Variants in SPATA13 observed in about 807,000 individuals in gnomAD.
The protein encoded by SPATA13 is spermatogenesis associated 13.
A neutral mutation model predicts 104.0 loss-of-function variants in SPATA13; 50 were observed. The observed-to-expected ratio is 0.48, with a 90% CI of 0.38 to 0.61. The LOEUF is 0.61. SPATA13 is among the 20% of genes least tolerant of loss of function. The pLI, the probability that SPATA13 is intolerant of heterozygous loss-of-function variation, is 0.00. For missense variants in SPATA13, 1,524 were observed against 1,690.6 expected (o/e 0.90, Z 1.73); for synonymous variants, 606 against 667.5 (o/e 0.91, Z 1.42).
At chr13:24,175,180 T>A (rs751063440) in intron 1 of SPATA13, among the ~76,000 whole-genome samples, 11 of 152,226 alleles carry the variant, frequency 7.2e-5, no homozygotes, top group Non-Finnish European at 1.3e-4. Flanking sequence ...AGGGCATTAA[T>A]CCTGCAGTGG....
chr13:24,043,049 A>T (rs747570144), intron 3 of SPATA13, among the ~76,000 whole-genome samples: 12 of 152,240 alleles, frequency 7.9e-5, no homozygotes, highest in Non-Finnish European at 1.5e-4. Flanking sequence ...TGAGTGGAAC[A>T]CACACAAACT....
At chr13:24,133,343 C>G (rs551699962) in intron 3 of SPATA13, among the ~76,000 whole-genome samples, 14 of 152,144 alleles carry the variant, frequency 9.2e-5, no homozygotes, top group Non-Finnish European at 2.1e-4. Flanking sequence ...AATAGTGGCT[C>G]CTGGGACATT....
chr13:24,167,550 T>C (rs571844161), intron 1 of SPATA13, among the ~76,000 whole-genome samples: 4 of 152,314 alleles, frequency 2.6e-5, no homozygotes, highest in African/African-American at 9.6e-5. Context: ...ACAGCCAGGT[T>C]CTAAAATCGT....
chr13:24,141,878 T>C (rs1881774702), intron 3 of SPATA13, among the ~76,000 whole-genome samples: 1 of 152,228 alleles, frequency 6.6e-6, no homozygotes, highest in Non-Finnish European at 1.5e-5. Flanking sequence ...TAGGCCAGTC[T>C]GGTATTCTCC....
intron 3 of SPATA13, among the ~76,000 whole-genome samples, chr13:24,075,766 C>G (rs1879304582): frequency 6.6e-6 from 1 of 152,102 alleles, no homozygotes; most frequent in Non-Finnish European, 1.5e-5. Flanking sequence ...AAAAAGTGGA[C>G]GGGAAGCACT....
chr13:24,094,624 T>C (rs1464601070), intron 3 of SPATA13, among the ~76,000 whole-genome samples: 1 of 152,206 alleles, frequency 6.6e-6, no homozygotes, highest in African/African-American at 2.4e-5. Context: ...CTGTGTGTGG[T>C]GGTGCACACC....
At chr13:24,194,452 A>G (rs1055774356) in intron 1 of SPATA13, among the ~76,000 whole-genome samples, 3 of 152,182 alleles carry the variant, frequency 2.0e-5, no homozygotes, top group African/African-American at 7.2e-5. Flanking sequence ...AATCACTGAC[A>G]GAGCGAACCA....
chr13:24,169,465 A>C (rs998174863), intron 1 of SPATA13, among the ~76,000 whole-genome samples: 2 of 151,982 alleles, frequency 1.3e-5, no homozygotes, highest in African/African-American at 4.8e-5. Context: ...TCTGGGTTCT[A>C]TTTGTTGTAT....
intron 1 of SPATA13, among the ~76,000 whole-genome samples, chr13:24,191,890 C>T (rs986305538): frequency 9.9e-5 from 15 of 152,126 alleles, no homozygotes; most frequent in Non-Finnish European, 1.9e-4. Flanking sequence ...CTCCTTAGTT[C>T]AGCTAAAACC....
At chr13:24,163,404 TA>T (rs774669999) in intron 1 of SPATA13, among the ~76,000 whole-genome samples, 10 of 152,032 alleles carry the variant, frequency 6.6e-5, no homozygotes, top group Admixed American at 2.6e-4. Flanking sequence ...ACTCTGTCTC[TA>T]AAAAAATTAA....
At chr13:24,122,083 T>G in intron 3 of SPATA13, 1 of 1,602,350 alleles carries the variant, frequency 6.2e-7, no homozygotes, top group Admixed American at 1.7e-5. Context: ...TCCCTGGTGC[T>G]GGGCCTCCAA....
At chr13:24,102,499 G>T (rs1880290442) in intron 3 of SPATA13, among the ~76,000 whole-genome samples, 1 of 143,230 alleles carries the variant, frequency 7.0e-6, no homozygotes, top group African/African-American at 2.6e-5. Flanking sequence ...TTTTGAGATG[G>T]AGTCTCACTC....
intron 4 of SPATA13, among the ~76,000 whole-genome samples, chr13:24,256,626 G>A (rs1165776405): frequency 6.6e-6 from 1 of 151,530 alleles, no homozygotes; most frequent in Non-Finnish European, 1.5e-5. Flanking sequence ...CCTCCCTTCC[G>A]AGAACTTGGC....
chr13:24,187,525 A>G (rs1203267162), intron 1 of SPATA13, among the ~76,000 whole-genome samples: 1 of 152,120 alleles, frequency 6.6e-6, no homozygotes, highest in Admixed American at 6.6e-5. Flanking sequence ...GTTTGTGGCA[A>G]CCCTGTGTGG....
rs1395897998 is a variant in SPATA13 at position 24,030,925 on chromosome 13, G to T, written c.-112+13224G>T. Among the ~76,000 whole-genome samples the T allele has an allele frequency of 2.6e-5, 4 of 152,120 alleles. No individual in the cohort carries two copies. The East Asian group carries it at 5.8e-4, about 22-fold the overall frequency. On this transcript the variant is annotated intron_variant, in intron 3 of 14. Coordinates refer to the SPATA13 transcript ENST00000424834. ...ACAGAGAACCCTGAGATTTTAAAAGGTTAAATAATTTGCTTAAGTCCACAA... is the reference window on the plus strand; with the variant it reads ...ACAGAGAACCCTGAGATTTTAAAAGTTTAAATAATTTGCTTAAGTCCACAA...
intron 3 of SPATA13, among the ~76,000 whole-genome samples, chr13:24,110,404 T>C (rs1294498764): frequency 6.6e-6 from 1 of 152,090 alleles, no homozygotes; most frequent in East Asian, 1.9e-4. Context: ...AGGACTAGGA[T>C]TGATGGAAAC....
chr13:24,160,501 C>T (rs1882422487), upstream of SPATA13, among the ~76,000 whole-genome samples: 1 of 152,302 alleles, frequency 6.6e-6, no homozygotes, highest in South Asian at 2.1e-4. Context: ...ACCTCGGCCT[C>T]CAAAAGTGCT....
At chr13:24,253,345 T>G (rs1177548526) in intron 4 of SPATA13, 2 of 152,172 alleles carry the variant, frequency 1.3e-5, no homozygotes, top group African/African-American at 2.4e-5. Flanking sequence ...CCATGAACCC[T>G]CTCTCTCTTC....
Position 24,284,288 on chromosome 13 carries a change from C to A in SPATA13, c.2301+17C>A. ...ATCAATGAGGTACTGGAATTCCACACGACAGTAGTGGATACGGGATACCTG... is the reference window on the plus strand; with the variant it reads ...ATCAATGAGGTACTGGAATTCCACAAGACAGTAGTGGATACGGGATACCTG... On this transcript the variant is annotated intron_variant, in intron 5 of 12. Coordinates refer to ENST00000382108, the MANE Select transcript of SPATA13 (RefSeq NM_001166271.3). 1 of 1,610,388 alleles carries A rather than the reference C, an allele frequency of 6.2e-7. No homozygotes were observed. Among genetic ancestry groups the A allele is most frequent in the South Asian group, 1.1e-5 (1 of 90,842 alleles).
Sources: gnomAD v4.1 joint callset for allele counts (sites outside exome capture counted in the v4.1 genomes callset) on GRCh38, gnomAD v4.1.1 for gene constraint, MANE v1.5 for transcripts, NCBI Gene and HGNC (gene_info 2026-07-23, HGNC 2026-07-21) for gene names.